The following CLDN16 variants were observed in gnomAD, a reference collection of about 807,000 sequenced individuals.
The protein encoded by CLDN16 is claudin 16.
CLDN16 carries 13 observed loss-of-function variants against 24.6 expected under a neutral mutation model. The observed-to-expected ratio is 0.53, with a 90% CI of 0.34 to 0.84. The LOEUF is 0.84. CLDN16 is among the 40% of genes least tolerant of loss of function. CLDN16 has a pLI of 0.01. For synonymous variants in CLDN16, 116 were observed against 106.7 expected (o/e 1.09, Z -0.54); for missense variants, 298 against 292.7 (o/e 1.02, Z -0.13).
At chr3:190,375,839 T>C (rs1389843978) in intron 3 of CLDN16, among the ~76,000 whole-genome samples, 1 of 151,186 alleles carries the variant, frequency 6.6e-6, no homozygotes. Flanking sequence ...CTTGTTCATC[T>C]CTTCACCCTT....
intron 1 of CLDN16, among the ~76,000 whole-genome samples, chr3:190,352,361 A>C (rs918669922): frequency 1.3e-5 from 2 of 152,140 alleles, no homozygotes; most frequent in Non-Finnish European, 2.9e-5. Flanking sequence ...AATAGCTCAG[A>C]AACAGAATAT....
At position 190,404,779 on chromosome 3, in the gene CLDN16, C is replaced by G; in HGVS notation, c.235C>G (p.Arg79Gly). ...TCTTCCAGTGAAGCTGGTGGTAACT[C>G]GAGCGTTGATGATTACTGCAGATAT... ...AEHPLKLVVT[R>G]ALMITADILA... Residue 79 changes from arginine to glycine, a missense_variant, in exon 3 of 5, where the codon CGA becomes GGA. Coordinates refer to ENST00000264734, the MANE Select transcript of CLDN16 (RefSeq NM_006580.4). The G allele has an allele frequency of 1.2e-6, 2 of 1,614,040 alleles. No individual in the cohort carries two copies. The highest frequency in any genetic ancestry group is 1.7e-6 in the Non-Finnish European group (2 of 1,180,010).
At chr3:190,389,197 G>T (rs1246966101) in intron 1 of CLDN16, among the ~76,000 whole-genome samples, 4 of 152,094 alleles carry the variant, frequency 2.6e-5, no homozygotes, top group African/African-American at 9.7e-5. Context: ...GAATCTGAGA[G>T]AGGCAGAACT....
chr3:190,352,476 G>A (rs1164210179), intron 1 of CLDN16, among the ~76,000 whole-genome samples: 2 of 152,108 alleles, frequency 1.3e-5, no homozygotes, highest in African/African-American at 2.4e-5. Context: ...ACACTATTTT[G>A]AAATGTTTAT....
the CLDN16 span, among the ~76,000 whole-genome samples, chr3:190,300,662 C>G: frequency 6.6e-6 from 1 of 152,228 alleles, no homozygotes; most frequent in African/African-American, 2.4e-5. Context: ...TCCCTCCGAT[C>G]CCTGGCAAAG....
intron 1 of CLDN16, among the ~76,000 whole-genome samples, chr3:190,389,219 C>T (rs1260371735): frequency 6.6e-6 from 1 of 152,046 alleles, no homozygotes; most frequent in African/African-American, 2.4e-5. Flanking sequence ...AGTAAAAAAT[C>T]AAATCTTCAG....
chr3:190,355,527 G>T (rs1717749641), intron 1 of CLDN16, among the ~76,000 whole-genome samples: 1 of 151,540 alleles, frequency 6.6e-6, no homozygotes, highest in African/African-American at 2.4e-5. Context: ...CTTTTCTCTA[G>T]GATAATTTAA....
chr3:190,364,970 A>G (rs1717988584), intron 1 of CLDN16, among the ~76,000 whole-genome samples: 1 of 151,256 alleles, frequency 6.6e-6, no homozygotes, highest in South Asian at 2.1e-4. Flanking sequence ...TAGTCAATGG[A>G]TACTTGTTTT....
chr3:190,404,396 C>T lies in CLDN16; in HGVS notation c.218-366C>T, dbSNP rs556490797. On this transcript the variant is annotated intron_variant, in intron 2 of 4. Transcript: ENST00000264734. ...TATTTATTAAGAAATTTTTGTAGGACAGATATGCTACCTTCGATTCAGCAA... is the reference window on the plus strand; with the variant it reads ...TATTTATTAAGAAATTTTTGTAGGATAGATATGCTACCTTCGATTCAGCAA... 5.3e-5 allele frequency among the ~76,000 whole-genome samples: 8 copies of T among 152,204 alleles called. No individual in the cohort carries two copies. In the South Asian group the frequency reaches 1.7e-3, roughly 32 times the overall value.
chr3:190,341,441 C>T (rs1297456013), intron 1 of CLDN16, among the ~76,000 whole-genome samples: 1 of 152,170 alleles, frequency 6.6e-6, no homozygotes, highest in African/African-American at 2.4e-5. Context: ...ATGGCCTGAG[C>T]TCTATGTTGG....
At chr3:190,363,637 C>A (rs1360866069) in intron 1 of CLDN16, among the ~76,000 whole-genome samples, 1 of 127,920 alleles carries the variant, frequency 7.8e-6, no homozygotes, top group Non-Finnish European at 1.6e-5. Flanking sequence ...AGATATAGAT[C>A]AATTAGTTAC....
the CLDN16 span, chr3:190,306,295 A>C: frequency 6.6e-6 from 1 of 152,208 alleles, no homozygotes; most frequent in African/African-American, 2.4e-5. Flanking sequence ...AGAAGATAAG[A>C]CTTCCTCAGA....
intron 1 of CLDN16, among the ~76,000 whole-genome samples, chr3:190,367,356 G>A (rs894508065): frequency 7.9e-5 from 12 of 151,748 alleles, no homozygotes; most frequent in Non-Finnish European, 1.2e-4. Flanking sequence ...CAAAATTATA[G>A]GCATAAATTA....
At position 190,410,243 on chromosome 3, in the gene CLDN16, CT is replaced by C; in HGVS notation, c.*209del. 1 of 581,876 alleles carries C rather than the reference CT, an allele frequency of 1.7e-6. No homozygotes were observed. Among genetic ancestry groups the C allele is most frequent in the Non-Finnish European group, 3.0e-6 (1 of 328,332 alleles). 36.0% of individuals were successfully genotyped at this position (581,876 alleles called of 1,614,324 possible). A position where few individuals can be genotyped will look rare whatever the true frequency, so the allele number is the denominator to read the frequency against. On this transcript the variant is annotated 3_prime_UTR_variant, in exon 5 of 5. Coordinates refer to ENST00000264734, the MANE Select transcript of CLDN16 (RefSeq NM_006580.4). ...GTCATTCTCTCTGCTAACCTTCCAC[CT>C]TATGCACACACTTTCCCTATATTTT... is the stretch of plus-strand genomic sequence containing the variant.
the CLDN16 span, among the ~76,000 whole-genome samples, chr3:190,290,577 A>T: frequency 2.0e-5 from 3 of 152,320 alleles, no homozygotes; most frequent in Admixed American, 1.3e-4. Context: ...CTCATCTCTG[A>T]AATTCTACAA....
upstream of CLDN16, among the ~76,000 whole-genome samples, chr3:190,319,402 G>A (rs1291425238): frequency 1.3e-5 from 2 of 152,190 alleles, no homozygotes; most frequent in Non-Finnish European, 2.9e-5. Context: ...TCCCCAGGAA[G>A]TGCCTCAGTT....
At chr3:190,400,977 A>T (rs1239724965) in intron 1 of CLDN16, among the ~76,000 whole-genome samples, 1 of 152,192 alleles carries the variant, frequency 6.6e-6, no homozygotes, top group Non-Finnish European at 1.5e-5. Flanking sequence ...CAATTTCCTC[A>T]TTTGTAAAAT....
upstream of CLDN16, among the ~76,000 whole-genome samples, chr3:190,386,777 A>G (rs915233849): frequency 6.6e-6 from 1 of 152,228 alleles, no homozygotes; most frequent in Non-Finnish European, 1.5e-5. Context: ...ATGGTTTTCC[A>G]TGCAGCTTTT....
At chr3:190,392,167 A>C (rs1283277494) in intron 1 of CLDN16, among the ~76,000 whole-genome samples, 4 of 149,368 alleles carry the variant, frequency 2.7e-5, no homozygotes, top group Admixed American at 6.8e-5. Context: ...AGACATTTCC[A>C]TTGGGAATCT....
Sources: gnomAD v4.1 joint callset for allele counts (sites outside exome capture counted in the v4.1 genomes callset) on GRCh38, gnomAD v4.1.1 for gene constraint, MANE v1.5 for transcripts, NCBI Gene and HGNC (gene_info 2026-07-23, HGNC 2026-07-21) for gene names.